C2orf49: variants seen among roughly 807,000 people sequenced by gnomAD.
C2orf49 encodes the protein tRNA-splicing ligase complex subunit ASW.
C2orf49 carries 11 observed loss-of-function variants against 20.6 expected under a neutral mutation model. That is an observed-to-expected ratio of 0.53 (90% CI 0.34 to 0.88). The LOEUF (loss-of-function observed/expected upper bound fraction) is 0.88, where lower values mean the gene tolerates loss of function less well. C2orf49 is among the 40% of genes least tolerant of loss of function. The pLI is 0.02. For missense variants in C2orf49, 289 were observed against 274.2 expected, an observed-to-expected ratio of 1.05 and a Z score of -0.38; for synonymous variants, 134 against 108.5, an observed-to-expected ratio of 1.24 and a Z score of -1.46.
chr2:105,367,867 G>T, the C2orf49 span: 2 of 881,342 alleles, frequency 2.3e-6, no homozygotes, highest in East Asian at 2.6e-5. Context: ...GCTCTTGAAG[G>T]CTCGCCTCTA....
At position 105,342,975 on chromosome 2, in the gene C2orf49, G is replaced by T. The variant is rs1679710814; in HGVS notation, c.394G>T (p.Ala132Ser). ...DNDRLKPPPQ[A>S]SFTSNAFRKL... ...TGATCGACTGAAGCCTCCCCCGCAGGCAAGCTTTACCAGTAATGCCTTTAG... is the reference window on the plus strand; with the variant it reads ...TGATCGACTGAAGCCTCCCCCGCAGTCAAGCTTTACCAGTAATGCCTTTAG... The change falls in exon 3 of 4, where the codon GCA (alanine) becomes TCA (serine). Residue 132 changes from alanine (A) to serine (S), a missense_variant. Physicochemically the swap from Ala to Ser is moderately conservative, Grantham distance 99 (BLOSUM62 1). Coordinates refer to ENST00000258457, the MANE Select transcript of C2orf49 (RefSeq NM_024093.3). The T allele has an allele frequency of 6.2e-7, 1 of 1,614,174 alleles. No homozygotes were observed. Among genetic ancestry groups the T allele is most frequent in the Non-Finnish European group, 8.5e-7 (1 of 1,180,032 alleles).
At chr2:105,362,887 T>C in the C2orf49 span, among the ~76,000 whole-genome samples, 3 of 152,232 alleles carry the variant, frequency 2.0e-5, no homozygotes, top group East Asian at 5.8e-4. Context: ...CCCATTAAGA[T>C]GTTTTGGAGT....
chr2:105,382,416 C>T, the C2orf49 span, among the ~76,000 whole-genome samples: 5 of 152,230 alleles, frequency 3.3e-5, no homozygotes, highest in African/African-American at 9.6e-5. Flanking sequence ...GAGGACCCTC[C>T]GGGTCTGGGC....
the C2orf49 span, among the ~76,000 whole-genome samples, chr2:105,380,372 T>C: frequency 6.6e-6 from 1 of 152,284 alleles, no homozygotes; most frequent in Non-Finnish European, 1.5e-5. Context: ...TTTTCTTCTA[T>C]CTATCTGTTC....
the C2orf49 span, among the ~76,000 whole-genome samples, chr2:105,383,658 A>G: frequency 2.0e-5 from 3 of 152,194 alleles, no homozygotes; most frequent in Non-Finnish European, 2.9e-5. Context: ...GAGATTGGCC[A>G]CCAGACCTAA....
At chr2:105,384,853 C>A in the C2orf49 span, among the ~76,000 whole-genome samples, 1 of 152,162 alleles carries the variant, frequency 6.6e-6, no homozygotes, top group African/African-American at 2.4e-5. Context: ...ACGGAAGGGT[C>A]AAGTAACTGA....
At chr2:105,341,270 G>T (rs1389289432) in intron 2 of C2orf49, among the ~76,000 whole-genome samples, 1 of 152,138 alleles carries the variant, frequency 6.6e-6, no homozygotes, top group East Asian at 1.9e-4. Context: ...TTCCTTTGAA[G>T]CAATCTTTGT....
the C2orf49 span, among the ~76,000 whole-genome samples, chr2:105,363,885 A>G: frequency 1.2e-4 from 18 of 152,290 alleles, 1 homozygote; most frequent in East Asian, 3.5e-3. Flanking sequence ...AGGTCATGAT[A>G]AAGATCTCTG....
chr2:105,349,712 CAG>C (rs1679893754), downstream of C2orf49, among the ~76,000 whole-genome samples: 1 of 152,074 alleles, frequency 6.6e-6, no homozygotes, highest in South Asian at 2.1e-4. Context: ...GAAAGTAAAA[CAG>C]GGTCAAGAAA....
At chr2:105,373,664 C>T in the C2orf49 span, 1 of 1,614,208 alleles carries the variant, frequency 6.2e-7, no homozygotes, top group East Asian at 2.2e-5. Context: ...GGCTTGTCCA[C>T]CAGTGAGTTT....
chr2:105,355,901 A>G, the C2orf49 span, among the ~76,000 whole-genome samples: 2 of 151,968 alleles, frequency 1.3e-5, no homozygotes, highest in South Asian at 4.2e-4. Flanking sequence ...ATTGCCAGCA[A>G]ACCAATGCGT....
downstream of C2orf49, among the ~76,000 whole-genome samples, chr2:105,351,468 A>T (rs1679934651): frequency 6.6e-6 from 1 of 152,096 alleles, no homozygotes; most frequent in Non-Finnish European, 1.5e-5. Flanking sequence ...AGTATTCTCT[A>T]CCATTAATTT....
At chr2:105,382,968 C>T in the C2orf49 span, among the ~76,000 whole-genome samples, 1 of 152,208 alleles carries the variant, frequency 6.6e-6, no homozygotes, top group African/African-American at 2.4e-5. Context: ...TCACTGCAAC[C>T]TCTACCTTCC....
chr2:105,377,096 C>G, the C2orf49 span, among the ~76,000 whole-genome samples: 1 of 152,154 alleles, frequency 6.6e-6, no homozygotes, highest in Admixed American at 6.5e-5. Flanking sequence ...TGCAATCAGA[C>G]CTTGGCGATG....
At chr2:105,379,050 G>T in the C2orf49 span, among the ~76,000 whole-genome samples, 1 of 152,158 alleles carries the variant, frequency 6.6e-6, no homozygotes, top group Non-Finnish European at 1.5e-5. Flanking sequence ...AGGAGCACGT[G>T]ATTAAATTGC....
At position 105,348,548 on chromosome 2, in the gene C2orf49, A is replaced by G. The variant is rs1004628344; in HGVS notation, c.*3177A>G. 20 of 147,718 alleles carry G rather than the reference A, an allele frequency of 1.4e-4. No individual in the cohort carries two copies. The highest frequency in any genetic ancestry group is 2.5e-4 in the Non-Finnish European group (17 of 67,052). The allele number at this position is 147,718 out of a possible 1,614,324, so 9.2% of individuals were successfully genotyped here. A position where few individuals can be genotyped will look rare whatever the true frequency, so the allele number is the denominator to read the frequency against. ...AAATCATATATATATATATATATATATATATATATGTAAGAGCTTCCTCTA... is the reference window on the plus strand; with the variant it reads ...AAATCATATATATATATATATATATGTATATATATGTAAGAGCTTCCTCTA... On this transcript the variant is annotated 3_prime_UTR_variant, in exon 4 of 4. Coordinates refer to ENST00000258457, the MANE Select transcript of C2orf49 (RefSeq NM_024093.3).
intron 1 of C2orf49, 25 bp downstream of exon 1, chr2:105,337,711 G>A (rs769519134): frequency 1.1e-5 from 4 of 360,666 alleles, no homozygotes; most frequent in Non-Finnish European, 1.7e-5. Flanking sequence ...ATCGGAGGGT[G>A]GGCGGGTGGG....
the C2orf49 span, among the ~76,000 whole-genome samples, chr2:105,381,299 A>G: frequency 3.3e-5 from 5 of 152,220 alleles, no homozygotes; most frequent in East Asian, 9.6e-4. Context: ...AAAATGGACA[A>G]CAGCAGAAAT....
At chr2:105,358,056 C>G in the C2orf49 span, 2 of 152,210 alleles carry the variant, frequency 1.3e-5, no homozygotes, top group African/African-American at 4.8e-5. Context: ...GAGGGCTCTT[C>G]TTGGCTATCT....
Sources: allele counts gnomAD v4.1 joint callset (sites outside exome capture counted in the v4.1 genomes callset), GRCh38; gene constraint gnomAD v4.1.1; transcripts MANE v1.5; gene names NCBI Gene and HGNC (gene_info 2026-07-23, HGNC 2026-07-21).